The following CERT1 variants were observed in gnomAD, a reference collection of about 807,000 sequenced individuals.
CERT1 encodes ceramide transfer protein.
In CERT1, 31 loss-of-function variants were observed where a neutral mutation model predicts 87.9. The ratio of observed to expected loss-of-function variants is 0.35; its 90% CI spans 0.27 to 0.48. CERT1 has a LOEUF of 0.48. Among genes scored for constraint, CERT1 ranks in the 20% least tolerant of loss-of-function variants. The pLI, the probability that CERT1 is intolerant of heterozygous loss-of-function variation, is 0.99. For missense variants in CERT1, 487 were observed against 758.0 expected, an observed-to-expected ratio of 0.64 and a Z score of 4.20; for synonymous variants, 289 against 250.9, an observed-to-expected ratio of 1.15 and a Z score of -1.44.
intron 7 of CERT1, among the ~76,000 whole-genome samples, chr5:75,415,637 A>C (rs183671130): frequency 6.6e-6 from 1 of 152,304 alleles, no homozygotes; most frequent in East Asian, 1.9e-4. Context: ...CCCTTAGTGA[A>C]GGAAAAAGAG....
At chr5:75,424,194 T>TA (rs1170496428) in intron 5 of CERT1, among the ~76,000 whole-genome samples, 3 of 152,202 alleles carry the variant, frequency 2.0e-5, no homozygotes, top group Non-Finnish European at 2.9e-5. Flanking sequence ...AAGAACTCAA[T>TA]AAAATTATTT....
intron 2 of CERT1, among the ~76,000 whole-genome samples, chr5:75,488,075 A>T (rs1178440186): frequency 2.6e-5 from 4 of 152,028 alleles, no homozygotes; most frequent in Non-Finnish European, 5.9e-5. Context: ...AGAGGGAGGG[A>T]GTGTGGAGGG....
At chr5:75,463,415 GA>G (rs1765321772) in intron 2 of CERT1, among the ~76,000 whole-genome samples, 1 of 151,924 alleles carries the variant, frequency 6.6e-6, no homozygotes, top group South Asian at 2.1e-4. Context: ...CATGCTACAG[GA>G]AAAAGACATC....
rs545993007 is a variant in CERT1 at position 75,434,810 on chromosome 5, G to T, written c.349-8332C>A. On this transcript the variant is annotated intron_variant, in intron 3 of 16. Coordinates refer to ENST00000643780, the MANE Select transcript of CERT1 (RefSeq NM_001379029.1). Reference sequence around the variant, plus strand: ...GGTTTTTAATCTCTGAGGGTTTTTTGTATTTCTGTGGGATGAGTGGTAATG... The same window carrying T: ...GGTTTTTAATCTCTGAGGGTTTTTTTTATTTCTGTGGGATGAGTGGTAATG... Among the ~76,000 whole-genome samples the T allele has an allele frequency of 3.9e-5, 6 of 152,020 alleles. No individual in the cohort carries two copies. The South Asian group carries it at 8.3e-4, about 21-fold the overall frequency.
chr5:75,511,741 C>T (rs1458222278), upstream of CERT1: 4 of 1,549,888 alleles, frequency 2.6e-6, no homozygotes, highest in Non-Finnish European at 3.5e-6. Flanking sequence ...CCTTCGGGAT[C>T]CTCCTCCCGA....
intron 2 of CERT1, among the ~76,000 whole-genome samples, chr5:75,498,434 T>C (rs541680437): frequency 5.9e-5 from 9 of 152,336 alleles, no homozygotes; most frequent in African/African-American, 1.9e-4. Context: ...TTTCCTGGGC[T>C]GGGCCCAGGG....
chr5:75,406,282 A>T (rs1250559091), intron 8 of CERT1, among the ~76,000 whole-genome samples: 1 of 152,068 alleles, frequency 6.6e-6, no homozygotes, highest in East Asian at 1.9e-4. Flanking sequence ...ACTGGAAAAC[A>T]CTCTTTACTC....
intron 3 of CERT1, among the ~76,000 whole-genome samples, chr5:75,432,055 CCCT>C (rs1366849144): frequency 2.0e-5 from 3 of 150,642 alleles, no homozygotes; most frequent in Admixed American, 2.0e-4. Flanking sequence ...CATTCCCCCC[CCCT>C]TTTTTTTTTT....
chr5:75,408,099 T>C (rs948494378), intron 8 of CERT1, among the ~76,000 whole-genome samples: 1 of 152,142 alleles, frequency 6.6e-6, no homozygotes, highest in African/African-American at 2.4e-5. Flanking sequence ...CATTTAGGAT[T>C]AAACAAGTTT....
intron 12 of CERT1, among the ~76,000 whole-genome samples, chr5:75,387,214 G>A (rs1761825434): frequency 6.6e-6 from 1 of 152,148 alleles, no homozygotes. Flanking sequence ...TAGGGGTGAG[G>A]CAGGAATCTA....
chr5:75,384,103 CTTA>C (rs961808191), intron 14 of CERT1, among the ~76,000 whole-genome samples: 1 of 152,126 alleles, frequency 6.6e-6, no homozygotes, highest in African/African-American at 2.4e-5. Flanking sequence ...AGCCATTACC[CTTA>C]TTGTTGTTGT....
chr5:75,415,957 G>A (rs1399349447), intron 7 of CERT1, among the ~76,000 whole-genome samples: 2 of 152,134 alleles, frequency 1.3e-5, no homozygotes, highest in African/African-American at 4.8e-5. Context: ...ACTCTCACCT[G>A]CACTTGTGCA....
At chr5:75,385,777 T>C (rs1761761072) in intron 13 of CERT1, 125 bp downstream of exon 13, 1 of 641,070 alleles carries the variant, frequency 1.6e-6, no homozygotes, top group South Asian at 5.8e-5. Flanking sequence ...GCTAGTCCTC[T>C]ATATGATTTT....
chr5:75,505,965 G>A lies in CERT1; in HGVS notation c.231+17C>T. On this transcript the variant is annotated intron_variant, in intron 2 of 16. Coordinates refer to ENST00000643780, the MANE Select transcript of CERT1 (RefSeq NM_001379029.1). ...ACTCAATAAATATTTGTTGAATGAA[G>A]AAGAAAAGGAACTTACTGTGATGAC... The A allele has an allele frequency of 1.9e-6, 3 of 1,606,232 alleles. No homozygotes were observed. The South Asian group carries it at 3.3e-5, about 18-fold the overall frequency.
chr5:75,473,658 T>C (rs1342165209), intron 2 of CERT1, among the ~76,000 whole-genome samples: 3 of 152,134 alleles, frequency 2.0e-5, no homozygotes, highest in Admixed American at 6.6e-5. Context: ...AAGAGATAAA[T>C]TGTACAACGT....
Position 75,495,940 on chromosome 5 carries a change from AAAAT to A in CERT1, c.231+10038_231+10041del, listed in dbSNP as rs566619182. 1.8e-4 allele frequency among the ~76,000 whole-genome samples: 28 copies of A among 152,204 alleles called. 1 individual carries two copies. The South Asian group carries it at 5.0e-3, about 27-fold the overall frequency. ...TATAATAAAAAAATTAGCTGAAAAA[AAAAT>A]AAATAAATAAAAAAAAGAACTTAGA... is the stretch of plus-strand genomic sequence containing the variant. On this transcript the variant is annotated intron_variant, in intron 2 of 16. Transcript: ENST00000643780.
At chr5:75,374,925 G>C (rs1481816786), downstream of CERT1, 6 of 331,062 alleles carry the variant, frequency 1.8e-5, no homozygotes, top group Non-Finnish European at 3.5e-5. Context: ...AGAATTTTGT[G>C]TGTGTGTTAG....
chr5:75,421,244 T>TA (rs1763365432), intron 5 of CERT1, among the ~76,000 whole-genome samples: 1 of 152,210 alleles, frequency 6.6e-6, no homozygotes. Context: ...TCATCTATCT[T>TA]AGCTGTCTTT....
At chr5:75,408,903 CCCTCCACCCCTGT>C (rs1411823229) in intron 8 of CERT1, among the ~76,000 whole-genome samples, 1 of 152,012 alleles carries the variant, frequency 6.6e-6, no homozygotes, top group Non-Finnish European at 1.5e-5. Flanking sequence ...GGCCCCTCTT[CCCTCCACCCCTGT>C]CCTCTACCCC....
Sources: allele counts gnomAD v4.1 joint callset (sites outside exome capture counted in the v4.1 genomes callset), GRCh38; gene constraint gnomAD v4.1.1; transcripts MANE v1.5; gene names NCBI Gene and HGNC (gene_info 2026-07-23, HGNC 2026-07-21).